CCSER1: variants seen among roughly 807,000 people sequenced by gnomAD.
CCSER1 encodes serine-rich coiled-coil domain-containing protein 1.
In CCSER1, 41 loss-of-function variants were observed where a neutral mutation model predicts 82.0. The ratio of observed to expected loss-of-function variants is 0.50; its 90% CI spans 0.39 to 0.65. The LOEUF (loss-of-function observed/expected upper bound fraction) is 0.65. Ranked by LOEUF, CCSER1 falls within the 30% of genes least tolerant of loss-of-function variation. CCSER1 has a pLI of 0.00. For synonymous variants in CCSER1, 414 were observed against 383.9 expected, an observed-to-expected ratio of 1.08 and a Z score of -0.92; for missense variants, 1,119 against 1,064.2, an observed-to-expected ratio of 1.05 and a Z score of -0.72.
At chr4:91,165,949 C>T (rs1261945155) in intron 10 of CCSER1, among the ~76,000 whole-genome samples, 11 of 152,228 alleles carry the variant, frequency 7.2e-5, no homozygotes, top group African/African-American at 2.7e-4. Context: ...TACTGTTCAA[C>T]CAGTCCCAGT....
chr4:90,829,554 G>A (rs558904210), intron 8 of CCSER1, among the ~76,000 whole-genome samples: 8 of 152,324 alleles, frequency 5.3e-5, no homozygotes, highest in African/African-American at 1.9e-4. Context: ...TGGGTCCATA[G>A]TAACTTCAGT....
At chr4:90,692,053 A>G (rs200293722) in intron 6 of CCSER1, among the ~76,000 whole-genome samples, 2 of 26,850 alleles carry the variant, frequency 7.4e-5, no homozygotes, top group Non-Finnish European at 1.7e-4. Flanking sequence ...ATATATATAT[A>G]TATATATATA....
At chr4:90,960,889 A>G (rs992458) in intron 9 of CCSER1, among the ~76,000 whole-genome samples, 85,516 of 152,030 alleles carry the variant, frequency 0.56, 24,936 homozygotes, top group Non-Finnish European at 0.66. Flanking sequence ...TACTATAAGG[A>G]AGGTACTATT....
chr4:90,662,147 C>T (rs575223970), intron 6 of CCSER1, among the ~76,000 whole-genome samples: 21 of 151,926 alleles, frequency 1.4e-4, no homozygotes, highest in Non-Finnish European at 2.2e-4. Flanking sequence ...TACAGGCGCT[C>T]GCCACCATGC....
intron 10 of CCSER1, among the ~76,000 whole-genome samples, chr4:91,207,731 T>C (rs1581772345): frequency 1.3e-5 from 2 of 152,090 alleles, no homozygotes; most frequent in Admixed American, 1.3e-4. Flanking sequence ...TTTCTATTCC[T>C]TTGGGTATAT....
intron 3 of CCSER1, among the ~76,000 whole-genome samples, chr4:90,390,008 A>G (rs28513880): frequency 0.03 from 4,533 of 152,282 alleles, 223 homozygotes; most frequent in African/African-American, 0.1. Flanking sequence ...AATCTGTCAT[A>G]TAATAAAATC....
At chr4:90,512,269 GC>G (rs1236778562) in intron 5 of CCSER1, among the ~76,000 whole-genome samples, 1 of 150,258 alleles carries the variant, frequency 6.7e-6, no homozygotes, top group Non-Finnish European at 1.5e-5. Flanking sequence ...CTACTATGGT[GC>G]CTTGTCTCTG....
intron 8 of CCSER1, among the ~76,000 whole-genome samples, chr4:90,888,748 A>G (rs1392804434): frequency 6.6e-6 from 1 of 152,184 alleles, no homozygotes; most frequent in Non-Finnish European, 1.5e-5. Flanking sequence ...TGTAAGTAAC[A>G]TAAAGAGCGA....
At chr4:91,553,025 A>G (rs1762231353) in intron 10 of CCSER1, among the ~76,000 whole-genome samples, 1 of 151,584 alleles carries the variant, frequency 6.6e-6, no homozygotes, top group African/African-American at 2.4e-5. Flanking sequence ...TGTATTATAT[A>G]TAAGACAGGC....
At chr4:91,484,845 G>A (rs935032582) in intron 10 of CCSER1, among the ~76,000 whole-genome samples, 5 of 152,128 alleles carry the variant, frequency 3.3e-5, no homozygotes, top group African/African-American at 1.2e-4. Flanking sequence ...GACTTTCCCA[G>A]TAACTCTTGT....
At chr4:91,019,140 A>G (rs190364193) in intron 9 of CCSER1, among the ~76,000 whole-genome samples, 262 of 151,126 alleles carry the variant, frequency 1.7e-3, no homozygotes, top group Admixed American at 5.8e-3. Context: ...TCAGATTTCA[A>G]TTTTTTCTCG....
chr4:91,562,802 T>A (rs913526482), intron 10 of CCSER1, among the ~76,000 whole-genome samples: 1 of 151,572 alleles, frequency 6.6e-6, no homozygotes, highest in African/African-American at 2.4e-5. Flanking sequence ...ATTTAAATAG[T>A]TTAAAGAGGA....
At chr4:91,368,522 G>A (rs1749799844) in intron 10 of CCSER1, among the ~76,000 whole-genome samples, 1 of 151,840 alleles carries the variant, frequency 6.6e-6, no homozygotes, top group South Asian at 2.1e-4. Flanking sequence ...CATTTTAGTT[G>A]TTTCTCTTCT....
chr4:90,293,111 G>A (rs1731228297), intron 1 of CCSER1, among the ~76,000 whole-genome samples: 1 of 151,702 alleles, frequency 6.6e-6, no homozygotes, highest in Non-Finnish European at 1.5e-5. Context: ...AGAATAAAAT[G>A]TTACCATCTT....
intron 7 of CCSER1, among the ~76,000 whole-genome samples, chr4:90,741,074 G>A (rs1746485113): frequency 6.6e-6 from 1 of 152,136 alleles, no homozygotes; most frequent in African/African-American, 2.4e-5. Context: ...GAATACTGCG[G>A]TAGAGTTCAG....
chr4:90,410,552 G>C (rs1426702865), intron 4 of CCSER1, among the ~76,000 whole-genome samples: 2 of 152,070 alleles, frequency 1.3e-5, no homozygotes, highest in Non-Finnish European at 2.9e-5. Flanking sequence ...ATGAAATGAA[G>C]CAGAAATAAA....
intron 5 of CCSER1, among the ~76,000 whole-genome samples, chr4:90,525,166 T>C (rs1288019810): frequency 1.3e-5 from 2 of 152,186 alleles, no homozygotes; most frequent in Non-Finnish European, 2.9e-5. Flanking sequence ...TAGTTTCATA[T>C]TCAAATAAAA....
At chr4:90,322,356 C>A (rs1330273829) in intron 3 of CCSER1, among the ~76,000 whole-genome samples, 1 of 152,144 alleles carries the variant, frequency 6.6e-6, no homozygotes, top group African/African-American at 2.4e-5. Flanking sequence ...TTTTATGATA[C>A]TACCATGCTA....
intron 3 of CCSER1, chr4:90,370,252 T>C (rs1426295741): frequency 1.3e-5 from 2 of 152,076 alleles, no homozygotes; most frequent in Non-Finnish European, 2.9e-5. Context: ...ACGTCTGCAG[T>C]TTCCGTGAAG....
Sources: gnomAD v4.1 joint callset for allele counts (sites outside exome capture counted in the v4.1 genomes callset) on GRCh38, gnomAD v4.1.1 for gene constraint, MANE v1.5 for transcripts, NCBI Gene and HGNC (gene_info 2026-07-23, HGNC 2026-07-21) for gene names.